Variants in CDH18 observed in about 807,000 individuals in gnomAD.
CDH18 encodes cadherin-18.
Under a neutral mutation model 67.9 loss-of-function variants are expected in CDH18, and 31 were observed. That is an observed-to-expected ratio of 0.46 (90% CI 0.34 to 0.62). The LOEUF (loss-of-function observed/expected upper bound fraction) is 0.62, where lower values mean the gene tolerates loss of function less well. CDH18 is among the 20% of genes least tolerant of loss of function. The probability of loss-of-function intolerance (pLI) is 0.01; values close to 1 mark genes in which losing one functional copy is unlikely to be tolerated. For missense variants in CDH18, 890 were observed against 975.5 expected, an observed-to-expected ratio of 0.91 and a Z score of 1.17; for synonymous variants, 362 against 347.2, an observed-to-expected ratio of 1.04 and a Z score of -0.48.
chr5:19,948,664 A>C (rs1795502236), intron 2 of CDH18, among the ~76,000 whole-genome samples: 1 of 152,086 alleles, frequency 6.6e-6, no homozygotes, highest in South Asian at 2.1e-4. Flanking sequence ...ACACACACAC[A>C]AATAAGTGTA....
intron 5 of CDH18, among the ~76,000 whole-genome samples, chr5:19,641,142 C>CAAAAAAAAAAAAAAAAA (rs3062887): frequency 8.9e-6 from 1 of 112,382 alleles, no homozygotes; most frequent in African/African-American, 3.5e-5. Flanking sequence ...CTAAATTTTT[C>CAAAAAAAAAAAAAAAAA]AAAAAAAAAA....
At chr5:19,868,034 T>TC (rs1265776411) in intron 2 of CDH18, among the ~76,000 whole-genome samples, 1 of 152,124 alleles carries the variant, frequency 6.6e-6, no homozygotes, top group African/African-American at 2.4e-5. Flanking sequence ...CGTGTTTGCT[T>TC]CCCCCTCTGC....
At chr5:19,873,377 C>G (rs962291266) in intron 2 of CDH18, among the ~76,000 whole-genome samples, 5 of 152,034 alleles carry the variant, frequency 3.3e-5, no homozygotes, top group South Asian at 2.1e-4. Flanking sequence ...GCACTATCAT[C>G]TGAAGAAAAA....
At position 20,552,402 on chromosome 5, in the gene CDH18, G is replaced by A. The variant is rs544095950; in HGVS notation, c.-580+23060C>T. On this transcript the variant is annotated intron_variant, in intron 1 of 14. Transcript: ENST00000507958. ...TGAGGCAGGAGAATCACTTGAACCC[G>A]TGAGGTGGAGTTTGCTGTGAGCAGA... 3.9e-5 allele frequency among the ~76,000 whole-genome samples: 6 copies of A among 152,200 alleles called. 1 individual carries two copies. Among genetic ancestry groups the A allele is most frequent in the East Asian group, 1.9e-4 (1 of 5,156 alleles).
At chr5:20,412,042 T>C (rs1458362062) in intron 1 of CDH18, among the ~76,000 whole-genome samples, 1 of 152,044 alleles carries the variant, frequency 6.6e-6, no homozygotes, top group Non-Finnish European at 1.5e-5. Context: ...ATCCTAAAAT[T>C]AATATGGTAT....
chr5:20,203,149 G>T (rs962689880), intron 2 of CDH18, among the ~76,000 whole-genome samples: 9 of 152,126 alleles, frequency 5.9e-5, no homozygotes, highest in African/African-American at 2.2e-4. Flanking sequence ...TTTCTGTACT[G>T]GGAATAATGT....
rs59678864 is a variant in CDH18, at chr5:19,903,617, C to CTT, written c.-256-64377_-256-64376dup. On this transcript the variant is annotated intron_variant, in intron 2 of 12. Coordinates refer to ENST00000382275, the MANE Select transcript of CDH18 (RefSeq NM_004934.5). ...GTCCCTTCAGTAACAAGCAAAGTGGCTTTTTTTTTTTTTTTTTTTTTTCCT... is the reference window on the plus strand; with the variant it reads ...GTCCCTTCAGTAACAAGCAAAGTGGCTTTTTTTTTTTTTTTTTTTTTTTTCCT... Among the ~76,000 whole-genome samples, 82 of 89,958 alleles carry CTT rather than the reference C, an allele frequency of 9.1e-4. 1 individual carries two copies. Among genetic ancestry groups the CTT allele is most frequent in the African/African-American group, 1.6e-3 (37 of 23,590 alleles). 59.0% of individuals were successfully genotyped at this position (89,958 alleles called of 152,430 possible).
At chr5:19,815,360 A>T (rs1354925743) in intron 3 of CDH18, among the ~76,000 whole-genome samples, 1 of 151,992 alleles carries the variant, frequency 6.6e-6, no homozygotes, top group Non-Finnish European at 1.5e-5. Context: ...ATGTTTATAT[A>T]GTTATCATCT....
chr5:20,427,174 A>T (rs1385491309), intron 1 of CDH18, among the ~76,000 whole-genome samples: 1 of 151,200 alleles, frequency 6.6e-6, no homozygotes, highest in African/African-American at 2.5e-5. Context: ...CAGTCAGGAA[A>T]AGAAGTTAAA....
chr5:20,434,289 A>G (rs2150180721), intron 1 of CDH18, among the ~76,000 whole-genome samples: 1 of 152,228 alleles, frequency 6.6e-6, no homozygotes, highest in African/African-American at 2.4e-5. Flanking sequence ...ATTGCAGACA[A>G]TAGGTGACAC....
intron 2 of CDH18, among the ~76,000 whole-genome samples, chr5:19,874,683 A>G (rs1447814002): frequency 2.0e-5 from 3 of 152,178 alleles, no homozygotes; most frequent in Non-Finnish European, 4.4e-5. Context: ...ATTGAATTGA[A>G]TTTTACTATA....
chr5:19,829,056 T>G (rs570587457), intron 3 of CDH18, among the ~76,000 whole-genome samples: 76 of 151,856 alleles, frequency 5.0e-4, no homozygotes, highest in African/African-American at 1.6e-3. Flanking sequence ...ATTAATTAAT[T>G]AATAAGTAAA....
chr5:20,186,258 T>C (rs1484958009), intron 2 of CDH18, among the ~76,000 whole-genome samples: 1 of 151,992 alleles, frequency 6.6e-6, no homozygotes, highest in Non-Finnish European at 1.5e-5. Flanking sequence ...TTTTTGGATA[T>C]GATATCACAA....
chr5:20,305,225 C>A (rs1390511107), intron 1 of CDH18: 11 of 1,380,562 alleles, frequency 8.0e-6, no homozygotes, highest in Non-Finnish European at 1.1e-5. Context: ...GCACCACTAC[C>A]AAATCCAGGA....
At chr5:19,820,492 C>T (rs769278718) in intron 3 of CDH18, among the ~76,000 whole-genome samples, 18 of 152,152 alleles carry the variant, frequency 1.2e-4, no homozygotes, top group Admixed American at 5.9e-4. Context: ...CTAGGCCCAC[C>T]GCATTAACAG....
chr5:19,791,788 A>C (rs896759758), intron 3 of CDH18, among the ~76,000 whole-genome samples: 17 of 152,188 alleles, frequency 1.1e-4, no homozygotes, highest in Non-Finnish European at 2.9e-5. Flanking sequence ...TTCTCACAAG[A>C]AATGTGACAG....
chr5:20,339,804 T>A (rs1023360987), intron 1 of CDH18, among the ~76,000 whole-genome samples: 3 of 152,174 alleles, frequency 2.0e-5, no homozygotes, highest in African/African-American at 7.2e-5. Context: ...TTTCCAGAAC[T>A]TAACCAAAGT....
intron 8 of CDH18, among the ~76,000 whole-genome samples, chr5:19,562,762 C>A (rs1390600291): frequency 1.3e-5 from 2 of 152,032 alleles, no homozygotes; most frequent in East Asian, 3.8e-4. Flanking sequence ...AGAAAACATT[C>A]AAATTCTCAA....
chr5:19,504,993 T>A (rs1400615047), intron 10 of CDH18, among the ~76,000 whole-genome samples: 2 of 152,166 alleles, frequency 1.3e-5, no homozygotes, highest in Non-Finnish European at 2.9e-5. Context: ...TTTTTACAAA[T>A]ATGAGCTTAT....
Sources: gnomAD v4.1 joint callset for allele counts (sites outside exome capture counted in the v4.1 genomes callset) on GRCh38, gnomAD v4.1.1 for gene constraint, MANE v1.5 for transcripts, NCBI Gene and HGNC (gene_info 2026-07-23, HGNC 2026-07-21) for gene names.